The following FAM9B variants were observed in gnomAD, a reference collection of about 807,000 sequenced individuals.
FAM9B encodes the protein protein FAM9B.
In FAM9B, 18 loss-of-function variants were observed where a neutral mutation model predicts 16.6. That is an observed-to-expected ratio of 1.09 (90% CI 0.75 to 1.61). FAM9B has a LOEUF of 1.61. FAM9B is among the 40% of genes most tolerant of loss of function. The probability of loss-of-function intolerance (pLI) is 0.00; values close to 1 mark genes in which losing one functional copy is unlikely to be tolerated. For missense variants in FAM9B, 155 were observed against 136.0 expected (o/e 1.14, Z -0.70); for synonymous variants, 43 against 42.6 (o/e 1.01, Z -0.03).
chrX:9,024,388 G>A lies in FAM9B; in HGVS notation c.*1021C>T, dbSNP rs1392141489. On this transcript the variant is annotated 3_prime_UTR_variant, in exon 9 of 9. Coordinates refer to ENST00000327220, the MANE Select transcript of FAM9B (RefSeq NM_205849.3). ...ACAAAATGCTTTCATTCAATTCTAA[G>A]GGGAGGTATCATTGAATGATGGACC... 3 of 111,756 alleles carry A rather than the reference G, an allele frequency of 2.7e-5. No homozygotes were observed. The highest frequency in any genetic ancestry group is 6.5e-5 in the African/African-American group (2 of 30,829). The allele number at this position is 111,756 out of a possible 1,213,427, so 9.2% of individuals were successfully genotyped here. A position where few individuals can be genotyped will look rare whatever the true frequency, so the allele number is the denominator to read the frequency against.
At chrX:9,030,022 C>A (rs1921021504) in intron 5 of FAM9B, 8 of 471,356 alleles carry the variant, frequency 1.7e-5, no homozygotes, top group Non-Finnish European at 2.4e-5. Context: ...TACAAGAAGG[C>A]TATTTTTATC....
intron 1 of FAM9B, 103 bp from the exon 2 acceptor site, chrX:9,033,178 G>T (rs1921142659): frequency 8.7e-7 from 1 of 1,155,240 alleles, no homozygotes; most frequent in East Asian, 3.3e-5. Context: ...GGCCCGCCCT[G>T]GGTCTCATGT....
intron 1 of FAM9B, 178 bp from the exon 2 acceptor site, chrX:9,033,253 C>G: frequency 9.2e-7 from 1 of 1,091,129 alleles, no homozygotes; most frequent in South Asian, 2.4e-5. Flanking sequence ...CAGCCCGTCC[C>G]CGGGGCTGGC....
At position 9,027,967 on chromosome X, in the gene FAM9B, C is replaced by G; in HGVS notation, c.394-1G>C. 8.5e-7 allele frequency: 1 copy of G among 1,177,975 alleles called. No individual in the cohort carries two copies. The highest frequency in any genetic ancestry group is 3.0e-5 in the East Asian group (1 of 33,622). On this transcript the variant is annotated splice_acceptor_variant, in intron 6 of 8. Coordinates refer to ENST00000327220, the MANE Select transcript of FAM9B (RefSeq NM_205849.3). LOFTEE classifies it high-confidence loss of function. The stretch of plus-strand genomic sequence containing the variant: ...TCTTCTGTTGTTCTTGAAATATTCT[C>G]TAGAATCCCAAAACAAAATAGTGAT...
intron 1 of FAM9B, 148 bp from the exon 2 acceptor site, chrX:9,033,223 C>T: frequency 8.9e-7 from 1 of 1,119,534 alleles, no homozygotes; most frequent in African/African-American, 1.8e-5. Context: ...TGCCAGTGTC[C>T]CCTCCTGTCC....
chrX:9,030,771 T>A (rs1921049459), intron 4 of FAM9B: 1 of 114,318 alleles, frequency 8.7e-6, no homozygotes, highest in Admixed American at 9.4e-5. Flanking sequence ...CACAAAAAAG[T>A]ATCTTATATA....
chrX:9,030,378 T>G lies in FAM9B; in HGVS notation c.182-18A>C, dbSNP rs1296285123. The stretch of plus-strand genomic sequence containing the variant: ...AAGATCCTCTTTAATGTCAGTTAGA[T>G]AGTAAATGAAAATGGATTAAAAGTT... On this transcript the variant is annotated intron_variant, in intron 4 of 8. Transcript: ENST00000327220. 8.9e-7 allele frequency: 1 copy of G among 1,129,146 alleles called. No homozygotes were observed. Among genetic ancestry groups the G allele is most frequent in the African/African-American group, 1.8e-5 (1 of 55,505 alleles). The allele number at this position is 1,129,146 out of a possible 1,213,427, so 93.1% of individuals were successfully genotyped here. A position where few individuals can be genotyped will look rare whatever the true frequency, so the allele number is the denominator to read the frequency against.
intron 5 of FAM9B, among the ~76,000 whole-genome samples, chrX:9,029,854 T>C (rs1207596151): frequency 3.6e-5 from 4 of 112,312 alleles, no homozygotes; most frequent in Non-Finnish European, 1.9e-5. Flanking sequence ...GTAAAAGAAA[T>C]AGTGAAAACA....
At position 9,025,440 on chromosome X, in the gene FAM9B, C is replaced by A; in HGVS notation, c.*31+44G>T. On this transcript the variant is annotated intron_variant, in intron 8 of 8. Transcript: ENST00000327220. ...TTTCTGCAAATAAAATATTCCAGTG[C>A]TACATCAATCCTGAGTTTTTAATAT... 5 of 873,481 alleles carry A rather than the reference C, an allele frequency of 5.7e-6. No individual in the cohort carries two copies. In the South Asian group the frequency reaches 1.3e-4, roughly 23 times the overall value. 72.0% of individuals were successfully genotyped at this position (873,481 alleles called of 1,213,427 possible).
chrX:9,026,223 T>C (rs771305512), intron 7 of FAM9B, among the ~76,000 whole-genome samples: 2 of 112,153 alleles, frequency 1.8e-5, no homozygotes, highest in East Asian at 5.6e-4. Context: ...CACTCGGGCA[T>C]GTAGCCAAAA....
In FAM9B at chrX:9,033,175, C is replaced by T. The variant is rs1921142528; in HGVS notation, c.-89-100G>A. 3 of 1,156,215 alleles carry T rather than the reference C, an allele frequency of 2.6e-6. No individual in the cohort carries two copies. The African/African-American group carries it at 5.3e-5, about 21-fold the overall frequency. Reference sequence around the variant, plus strand: ...TTCAAGAAGGGTGGGGCTGGCCCGCCCTGGGTCTCATGTGGGAGCAGGAAG... The same window carrying T: ...TTCAAGAAGGGTGGGGCTGGCCCGCTCTGGGTCTCATGTGGGAGCAGGAAG... On this transcript the variant is annotated intron_variant, in intron 1 of 8. Transcript: ENST00000327220.
intron 6 of FAM9B, 66 bp from the exon 7 acceptor site, chrX:9,028,032 T>C: frequency 2.5e-6 from 2 of 787,658 alleles, no homozygotes. Context: ...AACATAATTC[T>C]GCATTAGCTT....
intron 5 of FAM9B, among the ~76,000 whole-genome samples, chrX:9,029,681 A>T (rs1175653680): frequency 8.9e-6 from 1 of 111,850 alleles, no homozygotes; most frequent in African/African-American, 3.2e-5. Flanking sequence ...ACTTTCCCAG[A>T]AACATTTTCT....
At chrX:9,025,924 C>T (rs1033727861) in intron 7 of FAM9B, among the ~76,000 whole-genome samples, 7 of 110,816 alleles carry the variant, frequency 6.3e-5, no homozygotes, top group African/African-American at 2.3e-4. Context: ...CAGCAGGTAG[C>T]GACCCATGTA....
intron 1 of FAM9B, chrX:9,033,409 C>T: frequency 1.1e-6 from 1 of 935,929 alleles, no homozygotes. Context: ...CACAGGATCT[C>T]CCCAGCCACC....
chrX:9,032,545 G>C, intron 2 of FAM9B, 84 bp from the exon 3 acceptor site: 4 of 277,873 alleles, frequency 1.4e-5, no homozygotes, highest in Non-Finnish European at 2.4e-5. Context: ...ACTAGTTGTA[G>C]ACTTTTTTGG....
rs1602135151 is a variant in FAM9B at position 9,025,536 on chromosome X, T to C, written c.540A>G (p.Glu180=). The part of the protein sequence containing the change: ...EDLCDRVFSD[E]DSELDN ...ATGTCTAGTTATCAAGTTCACTGTC[T>C]TCATCGGAAAAAACTCTGTCACAAA... The change falls in exon 8 of 9, where the codon GAA becomes GAG. Residue 180 remains glutamate, a synonymous_variant. Transcript: ENST00000327220. 1.7e-6 allele frequency: 2 copies of C among 1,209,036 alleles called. No homozygotes were observed. Among genetic ancestry groups the C allele is most frequent in the Non-Finnish European group, 1.1e-6 (1 of 894,046 alleles).
intron 7 of FAM9B, among the ~76,000 whole-genome samples, chrX:9,026,006 G>A (rs779506491): frequency 9.0e-6 from 1 of 111,721 alleles, no homozygotes; most frequent in East Asian, 2.8e-4. Flanking sequence ...ACCTCATCAA[G>A]TTAGAGAAAA....
intron 7 of FAM9B, among the ~76,000 whole-genome samples, chrX:9,027,028 T>C (rs1157709735): frequency 9.0e-6 from 1 of 111,660 alleles, no homozygotes; most frequent in Non-Finnish European, 1.9e-5. Flanking sequence ...ATACCAGATC[T>C]CCCCAAAAAA....
Sources: allele counts gnomAD v4.1 joint callset (sites outside exome capture counted in the v4.1 genomes callset), GRCh38; gene constraint gnomAD v4.1.1; transcripts MANE v1.5; gene names NCBI Gene and HGNC (gene_info 2026-07-23, HGNC 2026-07-21).